The following ZNF407 variants were observed in gnomAD, a reference collection of about 807,000 sequenced individuals.
The protein encoded by ZNF407 is zinc finger protein 407.
A neutral mutation model predicts 131.2 loss-of-function variants in ZNF407; 17 were observed. That is an observed-to-expected ratio of 0.13 (90% CI 0.09 to 0.19). ZNF407 has a LOEUF of 0.19. Among genes scored for constraint, ZNF407 ranks in the 10% least tolerant of loss-of-function variants. ZNF407 has a pLI of 1.00. For missense variants in ZNF407, 2,681 were observed against 2,830.6 expected (o/e 0.95, Z 1.20); for synonymous variants, 1,156 against 1,062.0 (o/e 1.09, Z -1.72).
intron 8 of ZNF407, among the ~76,000 whole-genome samples, chr18:75,030,613 A>G (rs1973227934): frequency 6.6e-6 from 1 of 152,228 alleles, no homozygotes; most frequent in Admixed American, 6.5e-5. Context: ...ACTAGAGGCC[A>G]CATAAGTGCA....
intron 4 of ZNF407, among the ~76,000 whole-genome samples, chr18:74,854,858 A>G (rs1222846054): frequency 6.6e-6 from 1 of 151,772 alleles, no homozygotes; most frequent in Admixed American, 6.6e-5. Flanking sequence ...CATCCTTTTC[A>G]TTTCCCCAGA....
intron 8 of ZNF407, among the ~76,000 whole-genome samples, chr18:75,035,822 A>T (rs1038794614): frequency 3.3e-5 from 5 of 151,978 alleles, no homozygotes; most frequent in Non-Finnish European, 7.3e-5. Context: ...ATTAGCTGAG[A>T]TATCTTGTGA....
At chr18:74,926,734 G>A (rs1455662845) in intron 8 of ZNF407, among the ~76,000 whole-genome samples, 1 of 152,202 alleles carries the variant, frequency 6.6e-6, no homozygotes, top group Non-Finnish European at 1.5e-5. Context: ...ACTGGGAGGT[G>A]GAGGTTGCAG....
intron 4 of ZNF407, among the ~76,000 whole-genome samples, chr18:74,870,821 C>T (rs972224568): frequency 5.9e-5 from 9 of 152,068 alleles, no homozygotes; most frequent in Non-Finnish European, 1.3e-4. Flanking sequence ...TTCCATCTAA[C>T]GTTGCATGTT....
chr18:74,825,508 A>C (rs1970398383), intron 4 of ZNF407, among the ~76,000 whole-genome samples: 1 of 152,220 alleles, frequency 6.6e-6, no homozygotes, highest in Admixed American at 6.5e-5. Context: ...AGGATACAAA[A>C]TCAATGTATT....
chr18:75,002,107 C>T (rs1443635001), intron 8 of ZNF407, among the ~76,000 whole-genome samples: 1 of 152,166 alleles, frequency 6.6e-6, no homozygotes, highest in African/African-American at 2.4e-5. Context: ...GCCATGTGAG[C>T]GCAACTGCAG....
At chr18:74,715,392 G>A (rs181488230) in intron 3 of ZNF407, among the ~76,000 whole-genome samples, 124 of 152,316 alleles carry the variant, frequency 8.1e-4, no homozygotes, top group African/African-American at 2.4e-3. Context: ...ATATTGTGGC[G>A]AAAGGTATAT....
chr18:74,811,033 TTAAAC>T (rs1168925060), intron 4 of ZNF407, among the ~76,000 whole-genome samples: 1 of 152,012 alleles, frequency 6.6e-6, no homozygotes, highest in African/African-American at 2.4e-5. Flanking sequence ...TGGGATCTAA[TTAAAC>T]TAAAGAGCTT....
intron 8 of ZNF407, among the ~76,000 whole-genome samples, chr18:75,007,361 A>G (rs1972923156): frequency 6.6e-6 from 1 of 152,076 alleles, no homozygotes; most frequent in African/African-American, 2.4e-5. Flanking sequence ...TTTAACACAC[A>G]TGTGACAAGT....
intron 8 of ZNF407, among the ~76,000 whole-genome samples, chr18:75,009,151 C>T (rs1041768019): frequency 6.6e-6 from 1 of 152,134 alleles, no homozygotes; most frequent in Non-Finnish European, 1.5e-5. Flanking sequence ...AAAATACTAT[C>T]TCTCACCAGT....
chr18:74,829,099 T>C (rs1473561631), intron 4 of ZNF407, among the ~76,000 whole-genome samples: 1 of 152,208 alleles, frequency 6.6e-6, no homozygotes, highest in African/African-American at 2.4e-5. Context: ...GTCCCGTATT[T>C]TAATAGCTTA....
Position 75,063,492 on chromosome 18 carries a change from T to C in ZNF407, c.5771T>C (p.Val1924Ala). The change falls in exon 9 of 9, where the codon GTG becomes GCG. Residue 1924 changes from valine to alanine, a missense_variant. Physicochemically the swap from Val to Ala is moderately conservative, Grantham distance 64. Coordinates refer to ENST00000299687, the MANE Select transcript of ZNF407 (RefSeq NM_017757.3). The surrounding 1 kb of genome is among the most constrained non-coding windows in gnomAD (Gnocchi z 6.6). ...CAGAGCGGGGCACATGTAGGCAGCG[T>C]GGTGCCCGGACCCATCCTCCCCGAG... is the stretch of plus-strand genomic sequence containing the variant. ...TSQSGAHVGS[V>A]VPGPILPEQL... The C allele has an allele frequency of 6.3e-7, 1 of 1,595,724 alleles. No homozygotes were observed. Among genetic ancestry groups the C allele is most frequent in the South Asian group, 1.1e-5 (1 of 88,566 alleles).
At chr18:74,605,969 C>T (rs901153296) in intron 1 of ZNF407, among the ~76,000 whole-genome samples, 6 of 152,092 alleles carry the variant, frequency 3.9e-5, no homozygotes, top group Non-Finnish European at 5.9e-5. Flanking sequence ...TTCCTAAGCC[C>T]GATGAAATTA....
chr18:74,979,677 G>A (rs1398480726), intron 8 of ZNF407, among the ~76,000 whole-genome samples: 1 of 152,086 alleles, frequency 6.6e-6, no homozygotes. Context: ...AATGGAAAAA[G>A]GACATGATTG....
Position 74,606,676 on chromosome 18 carries a change from T to C in ZNF407, c.-54+8739T>C, listed in dbSNP as rs566478875. On this transcript the variant is annotated intron_variant, in intron 1 of 8. Transcript: ENST00000299687. ...GTGGAGTTTATTATGTCGGCACACC[T>C]GAGGAGACATTTGAGTGTCAGTTTT... Among the ~76,000 whole-genome samples, 55 of 152,348 alleles carry C rather than the reference T, an allele frequency of 3.6e-4. No individual in the cohort carries two copies. The Middle Eastern group carries it at 0.017, about 47-fold the overall frequency.
At chr18:75,018,971 T>C (rs1973076367) in intron 8 of ZNF407, among the ~76,000 whole-genome samples, 1 of 152,104 alleles carries the variant, frequency 6.6e-6, no homozygotes, top group African/African-American at 2.4e-5. Context: ...ACTTAGAACA[T>C]AGACCTGAAG....
intron 8 of ZNF407, among the ~76,000 whole-genome samples, chr18:75,006,688 T>TG (rs1972914475): frequency 6.6e-6 from 1 of 152,210 alleles, no homozygotes; most frequent in Non-Finnish European, 1.5e-5. Context: ...AGCCCTTTGA[T>TG]AAATGTTTCA....
At chr18:74,926,667 G>A (rs1971917992) in intron 8 of ZNF407, among the ~76,000 whole-genome samples, 1 of 152,164 alleles carries the variant, frequency 6.6e-6, no homozygotes, top group African/African-American at 2.4e-5. Context: ...GCTGGGCATG[G>A]TGGTGGGTGC....
chr18:74,724,693 G>A (rs1368073566), intron 3 of ZNF407, among the ~76,000 whole-genome samples: 1 of 152,196 alleles, frequency 6.6e-6, no homozygotes, highest in Non-Finnish European at 1.5e-5. Flanking sequence ...TTATGGCAGT[G>A]TAACATTCCA....
Sources: gnomAD v4.1 joint callset for allele counts (sites outside exome capture counted in the v4.1 genomes callset) on GRCh38, gnomAD v4.1.1 for gene constraint, Gnocchi (gnomAD v3.1) non-coding constraint, MANE v1.5 for transcripts, NCBI Gene and HGNC (gene_info 2026-07-23, HGNC 2026-07-21) for gene names.